Variants in STRN observed in about 807,000 individuals in gnomAD.
STRN encodes the protein striatin, also known as protein phosphatase 2 regulatory subunit B'''alpha.
In STRN, 53 loss-of-function variants were observed where a neutral mutation model predicts 96.3. The ratio of observed to expected loss-of-function variants is 0.55; its 90% CI spans 0.44 to 0.69. The LOEUF (loss-of-function observed/expected upper bound fraction) is 0.69. Among genes scored for constraint, STRN ranks in the 30% least tolerant of loss-of-function variants. STRN has a pLI of 0.00. For synonymous variants in STRN, 428 were observed against 355.9 expected (o/e 1.20, Z -2.28); for missense variants, 987 against 963.9 (o/e 1.02, Z -0.32).
At chr2:36,884,784 T>G (rs967227264) in intron 8 of STRN, among the ~76,000 whole-genome samples, 4 of 152,084 alleles carry the variant, frequency 2.6e-5, no homozygotes, top group Non-Finnish European at 5.9e-5. Flanking sequence ...CTAGACCACA[T>G]TGAAAAGACT....
chr2:36,943,942 C>T (rs1055097532), intron 1 of STRN, among the ~76,000 whole-genome samples: 2 of 151,704 alleles, frequency 1.3e-5, no homozygotes, highest in African/African-American at 4.8e-5. Flanking sequence ...CATGGTGAAA[C>T]CCCGTCTCCA....
intron 10 of STRN, among the ~76,000 whole-genome samples, chr2:36,876,955 AGCCAG>A (rs1668930634): frequency 6.6e-6 from 1 of 152,054 alleles, no homozygotes; most frequent in Admixed American, 6.5e-5. Context: ...TCACCGTGTG[AGCCAG>A]GATGGTCCCG....
chr2:36,843,628 T>G lies in STRN; in HGVS notation c.*5828A>C, dbSNP rs1007674263. ...GTAATTAAGACTGGTTCATTAATTT[T>G]GGACTCATGTATACTTTGTCTAATA... On this transcript the variant is annotated 3_prime_UTR_variant, in exon 18 of 18. Coordinates refer to ENST00000263918, the MANE Select transcript of STRN (RefSeq NM_003162.4). 6.6e-6 allele frequency: 1 copy of G among 152,140 alleles called. No homozygotes were observed. Among genetic ancestry groups the G allele is most frequent in the African/African-American group, 2.4e-5 (1 of 41,430 alleles). The allele number at this position is 152,140 out of a possible 1,614,324, so 9.4% of individuals were successfully genotyped here.
intron 1 of STRN, among the ~76,000 whole-genome samples, chr2:36,959,673 T>A (rs986072834): frequency 6.6e-6 from 1 of 152,112 alleles, no homozygotes; most frequent in African/African-American, 2.4e-5. Flanking sequence ...GAAAGAACAA[T>A]GGAAAAAGAA....
At chr2:36,888,330 G>GTT (rs1669292680) in intron 7 of STRN, among the ~76,000 whole-genome samples, 1 of 152,030 alleles carries the variant, frequency 6.6e-6, no homozygotes, top group Non-Finnish European at 1.5e-5. Context: ...ATAAAAGATC[G>GTT]TGTCACCCTT....
intron 7 of STRN, among the ~76,000 whole-genome samples, chr2:36,890,476 AC>A: frequency 1.4e-5 from 2 of 143,820 alleles, no homozygotes; most frequent in East Asian, 2.0e-4. Context: ...GCACCAGAAA[AC>A]TTTTTTTTTT....
chr2:36,952,054 C>G (rs1038659091), intron 1 of STRN, among the ~76,000 whole-genome samples: 3 of 152,026 alleles, frequency 2.0e-5, no homozygotes, highest in African/African-American at 7.3e-5. Flanking sequence ...TACACACGCA[C>G]GCACACACAC....
At chr2:36,910,252 C>T (rs10189328) in intron 3 of STRN, among the ~76,000 whole-genome samples, 18,683 of 150,072 alleles carry the variant, frequency 0.12, 2,398 homozygotes, top group African/African-American at 0.32. Flanking sequence ...TATTACAAGA[C>T]ACGTGAGCGG....
chr2:36,860,520 C>T (rs778880857), intron 13 of STRN, among the ~76,000 whole-genome samples: 38 of 152,292 alleles, frequency 2.5e-4, no homozygotes, highest in Admixed American at 2.0e-3. Flanking sequence ...AAATGTGATA[C>T]TTCAAACTAC....
At chr2:36,864,752 C>T (rs1025334217) in intron 12 of STRN, among the ~76,000 whole-genome samples, 6 of 152,112 alleles carry the variant, frequency 3.9e-5, no homozygotes, top group Non-Finnish European at 8.8e-5. Flanking sequence ...ACTCTTGTCG[C>T]CCAGGCTGGA....
intron 1 of STRN, among the ~76,000 whole-genome samples, chr2:36,955,813 A>G (rs1196308672): frequency 6.6e-6 from 1 of 152,216 alleles, no homozygotes; most frequent in Non-Finnish European, 1.5e-5. Context: ...TAGATTTCAG[A>G]TTTTGGAATA....
In STRN at chr2:36,936,874, AT is replaced by A. The variant is rs1670713826; in HGVS notation, c.235-11667del. Reference sequence around the variant, plus strand: ...TTCATTTTGTTGCTGAATTTTCAGAATAAAGCATGTGTGTTAAAATTCTCCT... The same window carrying A: ...TTCATTTTGTTGCTGAATTTTCAGAAAAAGCATGTGTGTTAAAATTCTCCT... On this transcript the variant is annotated intron_variant, in intron 1 of 17. Transcript: ENST00000263918. 5.9e-5 allele frequency among the ~76,000 whole-genome samples: 9 copies of A among 152,336 alleles called. No homozygotes were observed. In the South Asian group the frequency reaches 1.9e-3, roughly 32 times the overall value.
intron 3 of STRN, among the ~76,000 whole-genome samples, chr2:36,907,510 T>C (rs1669854904): frequency 6.6e-6 from 1 of 151,802 alleles, no homozygotes; most frequent in South Asian, 2.1e-4. Context: ...ATGATGCCAC[T>C]GCACTCCAGC....
chr2:36,851,901 G>A (rs1306891667), intron 15 of STRN, among the ~76,000 whole-genome samples: 1 of 152,188 alleles, frequency 6.6e-6, no homozygotes, highest in Non-Finnish European at 1.5e-5. Context: ...TCATTTGACA[G>A]AACTAGGTTT....
At chr2:36,883,757 T>C (rs563695695) in intron 9 of STRN, among the ~76,000 whole-genome samples, 175 bp downstream of exon 9, 1 of 152,322 alleles carries the variant, frequency 6.6e-6, no homozygotes, top group East Asian at 1.9e-4. Context: ...GTCTTGAAGA[T>C]TGAAGTTGGA....
chr2:36,888,645 G>A (rs200394998), intron 7 of STRN, among the ~76,000 whole-genome samples: 1 of 143,020 alleles, frequency 7.0e-6, no homozygotes, highest in Non-Finnish European at 1.5e-5. Context: ...TTATATGTGT[G>A]TGTGTGTGTG....
chr2:36,957,917 A>ATTT (rs1188068591), intron 1 of STRN, among the ~76,000 whole-genome samples: 8 of 90,390 alleles, frequency 8.9e-5, no homozygotes, highest in Non-Finnish European at 1.4e-4. Context: ...CGCCCAGCTA[A>ATTT]TTTTTTTTTT....
intron 2 of STRN, among the ~76,000 whole-genome samples, chr2:36,920,936 G>A (rs995810971): frequency 2.0e-5 from 3 of 151,994 alleles, no homozygotes; most frequent in African/African-American, 4.8e-5. Context: ...TTAGCCCAGT[G>A]TGGTGGTAAA....
In STRN at chr2:36,893,983, T is replaced by C. The variant is rs1357409324; in HGVS notation, c.846A>G (p.Lys282=). 1.2e-6 allele frequency: 2 copies of C among 1,613,698 alleles called. No homozygotes were observed. The highest frequency in any genetic ancestry group is 1.7e-6 in the Non-Finnish European group (2 of 1,179,872). Reference sequence around the variant, plus strand: ...AGAAGTCAAACTCCTTTAGAGCTTCTTTTGTATCTCGATCTTCACCGCTGT... The same window carrying C: ...AGAAGTCAAACTCCTTTAGAGCTTCCTTTGTATCTCGATCTTCACCGCTGT... The part of the protein sequence containing the change: ...LPDSGEDRDT[K]EALKEFDFLV... Residue 282 remains lysine, a synonymous_variant, in exon 7 of 18, where the codon AAA becomes AAG. Transcript: ENST00000263918.
Sources: allele counts gnomAD v4.1 joint callset (sites outside exome capture counted in the v4.1 genomes callset), GRCh38; gene constraint gnomAD v4.1.1; transcripts MANE v1.5; gene names NCBI Gene and HGNC (gene_info 2026-07-23, HGNC 2026-07-21).